Variants in TUSC3 observed in about 807,000 individuals in gnomAD.
TUSC3 encodes the protein dolichyl-diphosphooligosaccharide--protein glycosyltransferase subunit TUSC3.
TUSC3 carries 45 observed loss-of-function variants against 44.8 expected under a neutral mutation model. That is an observed-to-expected ratio of 1.00 (90% CI 0.79 to 1.29). The LOEUF (loss-of-function observed/expected upper bound fraction) is 1.29, where lower values mean the gene tolerates loss of function less well. TUSC3 is among the 50% of genes most tolerant of loss of function. TUSC3 has a pLI of 0.00. For synonymous variants in TUSC3, 212 were observed against 152.9 expected (o/e 1.39, Z -2.85); for missense variants, 519 against 437.9 (o/e 1.19, Z -1.65).
At chr8:15,584,971 A>G (rs1204239462) in intron 1 of TUSC3, among the ~76,000 whole-genome samples, 1 of 152,200 alleles carries the variant, frequency 6.6e-6, no homozygotes, top group Non-Finnish European at 1.5e-5. Context: ...ACAGATATAT[A>G]TTACATATCT....
intron 1 of TUSC3, among the ~76,000 whole-genome samples, chr8:15,569,928 T>A (rs2129142834): frequency 6.6e-6 from 1 of 152,188 alleles, no homozygotes; most frequent in East Asian, 1.9e-4. Context: ...CATTTAAAAT[T>A]TTGTCATACT....
At chr8:15,570,244 A>C (rs943167563) in intron 1 of TUSC3, among the ~76,000 whole-genome samples, 2 of 148,564 alleles carry the variant, frequency 1.3e-5, no homozygotes, top group African/African-American at 2.5e-5. Flanking sequence ...TGTTAAAGCA[A>C]CCTTGTTTTA....
chr8:15,783,318 G>T, the TUSC3 span, among the ~76,000 whole-genome samples: 2 of 152,074 alleles, frequency 1.3e-5, no homozygotes, highest in Non-Finnish European at 2.9e-5. Flanking sequence ...TAACAGATTT[G>T]ACGCAATCCC....
At chr8:15,576,076 C>T (rs1803093923) in intron 1 of TUSC3, among the ~76,000 whole-genome samples, 1 of 151,610 alleles carries the variant, frequency 6.6e-6, no homozygotes, top group South Asian at 2.1e-4. Flanking sequence ...GAACCTATTA[C>T]TAAAGTTTCC....
intron 1 of TUSC3, among the ~76,000 whole-genome samples, chr8:15,446,396 T>C (rs556066469): frequency 6.6e-6 from 1 of 152,074 alleles, no homozygotes; most frequent in South Asian, 2.1e-4. Flanking sequence ...GTGGAGGTTG[T>C]AGCGAGTCGA....
intron 1 of TUSC3, among the ~76,000 whole-genome samples, chr8:15,446,713 C>A (rs890657527): frequency 2.0e-5 from 2 of 100,850 alleles, no homozygotes; most frequent in African/African-American, 4.0e-5. Flanking sequence ...AGAGGGAGAC[C>A]GTGGAAAGTG....
chr8:15,487,838 A>G (rs1282513765), intron 2 of TUSC3, among the ~76,000 whole-genome samples: 2 of 151,524 alleles, frequency 1.3e-5, no homozygotes, highest in East Asian at 1.9e-4. Flanking sequence ...AAAGCAAACT[A>G]TATCTAATTT....
At position 15,729,219 on chromosome 8, in the gene TUSC3, T is replaced by C. The variant is rs182144444; in HGVS notation, c.799-1447T>C. ...GATATGTTAGTCAGTGATGTAAATA[T>C]TGATGTTAATTACTTTAACTGTCAA... On this transcript the variant is annotated intron_variant, in intron 6 of 10. Transcript: ENST00000503731. 2.4e-3 allele frequency among the ~76,000 whole-genome samples: 370 copies of C among 152,306 alleles called. 1 individual carries two copies. Among genetic ancestry groups the C allele is most frequent in the African/African-American group, 8.5e-3 (352 of 41,566 alleles).
intron 7 of TUSC3, among the ~76,000 whole-genome samples, chr8:15,733,230 T>TA (rs1314051702): frequency 2.6e-5 from 4 of 152,222 alleles, no homozygotes; most frequent in Admixed American, 6.5e-5. Context: ...ACTCTCGACT[T>TA]ACTATTTAAA....
chr8:15,657,792 A>G (rs1360013497), intron 3 of TUSC3, among the ~76,000 whole-genome samples: 2 of 152,174 alleles, frequency 1.3e-5, no homozygotes, highest in African/African-American at 4.8e-5. Context: ...TGTTTGTCTT[A>G]GTCCATTTTG....
intron 5 of TUSC3, among the ~76,000 whole-genome samples, chr8:15,668,621 C>G (rs988044427): frequency 1.3e-5 from 2 of 151,552 alleles, no homozygotes; most frequent in South Asian, 2.1e-4. Flanking sequence ...CTTGGTGTCC[C>G]AAGATGGTAT....
At chr8:15,418,514 T>C (rs1799688402) in intron 1 of TUSC3, among the ~76,000 whole-genome samples, 1 of 152,154 alleles carries the variant, frequency 6.6e-6, no homozygotes, top group Admixed American at 6.6e-5. Flanking sequence ...AGAAAAACTA[T>C]TAATAGCTAG....
At chr8:15,698,581 A>G (rs1403630013) in intron 6 of TUSC3, among the ~76,000 whole-genome samples, 2 of 151,956 alleles carry the variant, frequency 1.3e-5, no homozygotes, top group African/African-American at 4.8e-5. Context: ...GGTAATCTCT[A>G]CAGCACCTAA....
At chr8:15,598,502 A>G (rs1011198251) in intron 1 of TUSC3, among the ~76,000 whole-genome samples, 2 of 151,820 alleles carry the variant, frequency 1.3e-5, no homozygotes, top group Non-Finnish European at 2.9e-5. Context: ...ATTAGGGTTC[A>G]TTCTTGGTGT....
intron 7 of TUSC3, among the ~76,000 whole-genome samples, chr8:15,739,503 G>T (rs900350085): frequency 6.6e-6 from 1 of 151,876 alleles, no homozygotes; most frequent in South Asian, 2.1e-4. Flanking sequence ...CATATAATTT[G>T]AAAAATGCTA....
chr8:15,791,901 C>T, the TUSC3 span, among the ~76,000 whole-genome samples: 7 of 152,140 alleles, frequency 4.6e-5, no homozygotes, highest in African/African-American at 9.7e-5. Context: ...GGCCAACCTG[C>T]ATCATCTCTC....
intron 6 of TUSC3, among the ~76,000 whole-genome samples, chr8:15,709,572 T>C (rs930522513): frequency 3.3e-5 from 5 of 151,842 alleles, no homozygotes; most frequent in Non-Finnish European, 7.4e-5. Flanking sequence ...ACTCCATATC[T>C]AAGAGCACGG....
chr8:15,480,191 G>T (rs531479889), intron 1 of TUSC3, among the ~76,000 whole-genome samples: 26 of 152,230 alleles, frequency 1.7e-4, no homozygotes, highest in African/African-American at 5.8e-4. Flanking sequence ...AGGACACAAA[G>T]AAATAGAAAA....
At position 15,540,511 on chromosome 8, in the gene TUSC3, C is replaced by A; in HGVS notation, c.81C>A (p.Phe27Leu). Residue 27 changes from phenylalanine to leucine, a missense_variant, in exon 1 of 11, where the codon TTC (phenylalanine) becomes TTA (leucine). Transcript: ENST00000503731. ...ACCTGCCCACCGGGAGCTTTCCCTT[C>A]CTTCTCCTGCTGCTGCTGCTCTGCA... ...LRYLPTGSFP[F>L]LLLLLLLCIQ... 1 of 1,608,316 alleles carries A rather than the reference C, an allele frequency of 6.2e-7. No individual in the cohort carries two copies. Among genetic ancestry groups the A allele is most frequent in the Non-Finnish European group, 8.5e-7 (1 of 1,177,884 alleles).
Sources: allele counts gnomAD v4.1 joint callset (sites outside exome capture counted in the v4.1 genomes callset), GRCh38; gene constraint gnomAD v4.1.1; transcripts MANE v1.5; gene names NCBI Gene and HGNC (gene_info 2026-07-23, HGNC 2026-07-21).